The following TUSC3 variants were observed in gnomAD, a reference collection of about 807,000 sequenced individuals.
The protein encoded by TUSC3 is tumor suppressor candidate 3, also known as dolichyl-diphosphooligosaccharide--protein glycosyltransferase subunit TUSC3.
In TUSC3, 45 loss-of-function variants were observed where a neutral mutation model predicts 44.8. The observed-to-expected ratio is 1.00, with a 90% CI of 0.79 to 1.29. TUSC3 has a LOEUF of 1.29. Among genes scored for constraint, TUSC3 ranks in the 50% most tolerant of loss-of-function variants. The pLI is 0.00. For synonymous variants in TUSC3, 212 were observed against 152.9 expected (o/e 1.39, Z -2.85); for missense variants, 519 against 437.9 (o/e 1.19, Z -1.65).
At chr8:15,567,842 C>G (rs1042690607) in intron 1 of TUSC3, among the ~76,000 whole-genome samples, 3 of 152,126 alleles carry the variant, frequency 2.0e-5, no homozygotes, top group African/African-American at 7.2e-5. Context: ...ATATGCCGAA[C>G]TAAAAAGCAC....
Position 15,650,812 on chromosome 8 carries a change from C to A in TUSC3, c.424C>A (p.Gln142Lys). 1 of 1,612,520 alleles carries A rather than the reference C, an allele frequency of 6.2e-7. No individual in the cohort carries two copies. The change falls in exon 3 of 11, where the codon CAG (glutamine) becomes AAG (lysine). Residue 142 changes from glutamine (Q) to lysine (K), a missense_variant and splice_region_variant. Coordinates refer to ENST00000503731, the MANE Select transcript of TUSC3 (RefSeq NM_006765.4). ...TGATGAGGGGACAGACGTTTTTCAGCAGGTAAAGAGTTATATCGTATTCAT... is the reference window on the plus strand; with the variant it reads ...TGATGAGGGGACAGACGTTTTTCAGAAGGTAAAGAGTTATATCGTATTCAT... ...DYDEGTDVFQ[Q>K]LNMNSAPTFM... is the part of the protein sequence containing the mutation.
intron 1 of TUSC3, among the ~76,000 whole-genome samples, chr8:15,419,517 G>T (rs987172790): frequency 2.0e-5 from 3 of 152,144 alleles, no homozygotes; most frequent in African/African-American, 7.2e-5. Flanking sequence ...CAAATTTGAT[G>T]TGGCAAGTTT....
At position 15,746,859 on chromosome 8, in the gene TUSC3, ACTATGCTGTATCTGGGTCCTGGT is replaced by A. The variant is rs567282808; in HGVS notation, c.938-1515_938-1493del. ...ATAGGTTTTTATAAACAAAGTTGTT[ACTATGCTGTATCTGGGTCCTGGT>A]ATGTGTCATACAGGGATATTCTATA... On this transcript the variant is annotated intron_variant, in intron 8 of 10. Transcript: ENST00000503731. Among the ~76,000 whole-genome samples the A allele has an allele frequency of 6.6e-3, 1,011 of 152,256 alleles. 7 individuals are homozygous for A. Among genetic ancestry groups the A allele is most frequent in the African/African-American group, 0.023 (964 of 41,560 alleles).
chr8:15,531,684 T>C (rs2129130775), intron 2 of TUSC3, among the ~76,000 whole-genome samples: 1 of 152,356 alleles, frequency 6.6e-6, no homozygotes, highest in Admixed American at 6.5e-5. Context: ...TGCAGACCTG[T>C]ATGAATTTGC....
chr8:15,779,113 T>C, the TUSC3 span, among the ~76,000 whole-genome samples: 3 of 118,984 alleles, frequency 2.5e-5, no homozygotes, highest in African/African-American at 8.5e-5. Flanking sequence ...TTTTTTTTTT[T>C]TTTTTCCACG....
intron 9 of TUSC3, among the ~76,000 whole-genome samples, chr8:15,753,282 G>A (rs954670184): frequency 3.3e-5 from 5 of 151,820 alleles, no homozygotes; most frequent in Admixed American, 2.6e-4. Flanking sequence ...TAATATGTCC[G>A]TTCAGCTCTT....
intron 2 of TUSC3, among the ~76,000 whole-genome samples, chr8:15,629,893 A>G (rs961465083): frequency 1.3e-5 from 2 of 152,058 alleles, no homozygotes; most frequent in African/African-American, 4.8e-5. Context: ...CAGTTTATTC[A>G]CAAATTTTGG....
chr8:15,478,031 C>A (rs982798513), intron 1 of TUSC3, among the ~76,000 whole-genome samples: 2 of 152,058 alleles, frequency 1.3e-5, no homozygotes, highest in African/African-American at 4.8e-5. Context: ...GATCTTGGCT[C>A]ACTGCAAACT....
At chr8:15,548,170 C>T (rs1212877239) in intron 1 of TUSC3, among the ~76,000 whole-genome samples, 1 of 151,306 alleles carries the variant, frequency 6.6e-6, no homozygotes. Context: ...TATAGCAGCC[C>T]AAACGAACGA....
chr8:15,726,302 T>C (rs1173657223), intron 6 of TUSC3, among the ~76,000 whole-genome samples: 1 of 152,180 alleles, frequency 6.6e-6, no homozygotes, highest in Non-Finnish European at 1.5e-5. Flanking sequence ...ATATAATTTT[T>C]TATTTTCAAG....
Position 15,617,190 on chromosome 8 carries a change from A to C in TUSC3, c.139-5890A>C, listed in dbSNP as rs541353485. 6.7e-5 allele frequency among the ~76,000 whole-genome samples: 9 copies of C among 134,428 alleles called. No individual in the cohort carries two copies. The East Asian group carries it at 2.0e-3, about 29-fold the overall frequency. 88.2% of individuals were successfully genotyped at this position (134,428 alleles called of 152,430 possible). A position where few individuals can be genotyped will look rare whatever the true frequency, so the allele number is the denominator to read the frequency against. ...AGTCTTGCTCTGTCGCCCAGGTTGC[A>C]GTGCAGTGGTGTGATCTCCGCTCAC... On this transcript the variant is annotated intron_variant, in intron 1 of 10. Coordinates refer to ENST00000503731, the MANE Select transcript of TUSC3 (RefSeq NM_006765.4).
intron 1 of TUSC3, among the ~76,000 whole-genome samples, chr8:15,467,092 C>T (rs1563258771): frequency 6.6e-6 from 1 of 151,856 alleles, no homozygotes. Context: ...AAGAGCTTGG[C>T]CTATTTGGGA....
At chr8:15,545,127 TGTC>T (rs1801820370) in intron 1 of TUSC3, among the ~76,000 whole-genome samples, 1 of 151,756 alleles carries the variant, frequency 6.6e-6, no homozygotes, top group Non-Finnish European at 1.5e-5. Context: ...ATATGCCTGA[TGTC>T]GTACAGTTAG....
chr8:15,805,230 G>A, the TUSC3 span, among the ~76,000 whole-genome samples: 5 of 152,162 alleles, frequency 3.3e-5, no homozygotes, highest in African/African-American at 9.6e-5. Context: ...GGAGTCTTTC[G>A]GTGGAGTCTT....
chr8:15,488,972 C>A (rs1800771210), intron 2 of TUSC3, among the ~76,000 whole-genome samples: 1 of 152,160 alleles, frequency 6.6e-6, no homozygotes, highest in Non-Finnish European at 1.5e-5. Flanking sequence ...ATCTCAGTCT[C>A]TTGGCTATTC....
chr8:15,518,526 G>C (rs562611293), intron 2 of TUSC3, among the ~76,000 whole-genome samples: 43 of 152,164 alleles, frequency 2.8e-4, no homozygotes, highest in African/African-American at 9.9e-4. Flanking sequence ...TAACTAGTTG[G>C]GTTGGATTAG....
intron 2 of TUSC3, among the ~76,000 whole-genome samples, chr8:15,503,969 G>A (rs182277619): frequency 3.4e-5 from 5 of 145,862 alleles, no homozygotes; most frequent in African/African-American, 1.0e-4. Context: ...AGCGGAGATC[G>A]CACCACTGCT....
At chr8:15,717,340 G>C (rs548865238) in intron 6 of TUSC3, among the ~76,000 whole-genome samples, 2 of 152,204 alleles carry the variant, frequency 1.3e-5, no homozygotes, top group East Asian at 3.9e-4. Flanking sequence ...ACAGCCTTAA[G>C]AACCTGTATA....
Position 15,585,580 on chromosome 8 carries a change from C to T in TUSC3, c.139-37500C>T, listed in dbSNP as rs528384695. Reference sequence around the variant, plus strand: ...TCTCATTTGCATAAAGCGTGAATTTCTTGTAGCTCCACCCTGTCTTCCTAA... The same window carrying T: ...TCTCATTTGCATAAAGCGTGAATTTTTTGTAGCTCCACCCTGTCTTCCTAA... On this transcript the variant is annotated intron_variant, in intron 1 of 10. Transcript: ENST00000503731. Among the ~76,000 whole-genome samples, 5 of 152,236 alleles carry T rather than the reference C, an allele frequency of 3.3e-5. No homozygotes were observed. In the South Asian group the frequency reaches 8.3e-4, roughly 25 times the overall value.
Sources: gnomAD v4.1 joint callset for allele counts (sites outside exome capture counted in the v4.1 genomes callset) on GRCh38, gnomAD v4.1.1 for gene constraint, MANE v1.5 for transcripts, NCBI Gene and HGNC (gene_info 2026-07-23, HGNC 2026-07-21) for gene names.